The following DLGAP4 variants were observed in gnomAD, a reference collection of about 807,000 sequenced individuals.
DLGAP4 encodes disks large-associated protein 4.
A neutral mutation model predicts 86.9 loss-of-function variants in DLGAP4; 18 were observed. The observed-to-expected ratio is 0.21, with a 90% CI of 0.14 to 0.31. DLGAP4 has a LOEUF of 0.31. Among genes scored for constraint, DLGAP4 ranks in the 10% least tolerant of loss-of-function variants. DLGAP4 has a pLI of 1.00. For missense variants in DLGAP4, 1,085 were observed against 1,362.6 expected (o/e 0.80, Z 3.21); for synonymous variants, 548 against 574.3 (o/e 0.95, Z 0.65).
chr20:36,428,865 G>T (rs118128724), intron 2 of DLGAP4, among the ~76,000 whole-genome samples: 2,269 of 152,272 alleles, frequency 0.015, 105 homozygotes, highest in Admixed American at 0.1. Context: ...CCACTTTGTT[G>T]CCCAGGCTGG....
At chr20:36,452,713 T>C (rs1450448112) in intron 7 of DLGAP4, among the ~76,000 whole-genome samples, 1 of 151,996 alleles carries the variant, frequency 6.6e-6, no homozygotes, top group Non-Finnish European at 1.5e-5. Context: ...TTTCATCATG[T>C]TCGCTACGCT....
intron 2 of DLGAP4, among the ~76,000 whole-genome samples, chr20:36,408,974 C>A (rs1009457587): frequency 2.6e-4 from 38 of 148,908 alleles, no homozygotes; most frequent in Non-Finnish European, 4.3e-4. Flanking sequence ...GAGGGTTATA[C>A]AAGAAGTCTC....
chr20:36,389,674 GAGAAA>G (rs2031722303), intron 2 of DLGAP4, among the ~76,000 whole-genome samples: 2 of 152,048 alleles, frequency 1.3e-5, no homozygotes, highest in Admixed American at 1.3e-4. Flanking sequence ...AAGAGAAAAG[GAGAAA>G]AGAAAAGACA....
At chr20:36,415,734 G>A (rs2032634581) in intron 2 of DLGAP4, among the ~76,000 whole-genome samples, 1 of 152,088 alleles carries the variant, frequency 6.6e-6, no homozygotes, top group South Asian at 2.1e-4. Flanking sequence ...CAGCCTCCAC[G>A]CCATACACAC....
chr20:36,353,304 C>T (rs1356360358), intron 1 of DLGAP4, among the ~76,000 whole-genome samples: 1 of 152,198 alleles, frequency 6.6e-6, no homozygotes, highest in African/African-American at 2.4e-5. Context: ...GCAGGTCCTG[C>T]TGGGATGACT....
At chr20:36,505,207 T>C (rs1260676936) in intron 10 of DLGAP4, among the ~76,000 whole-genome samples, 2 of 152,026 alleles carry the variant, frequency 1.3e-5, no homozygotes, top group African/African-American at 4.8e-5. Flanking sequence ...CAGGGTAGTC[T>C]CGAACTCCTG....
At chr20:36,389,711 T>C (rs2031723582) in intron 2 of DLGAP4, among the ~76,000 whole-genome samples, 1 of 152,220 alleles carries the variant, frequency 6.6e-6, no homozygotes, top group Non-Finnish European at 1.5e-5. Context: ...TTCTAGGTTA[T>C]ACTTTATTAA....
At chr20:36,520,900 T>C (rs2037341189) in intron 10 of DLGAP4, among the ~76,000 whole-genome samples, 1 of 152,144 alleles carries the variant, frequency 6.6e-6, no homozygotes, top group South Asian at 2.1e-4. Flanking sequence ...TAGCGTGATC[T>C]TGGCTCACTG....
At chr20:36,331,305 TG>T (rs781952736) in intron 1 of DLGAP4, among the ~76,000 whole-genome samples, 2 of 151,962 alleles carry the variant, frequency 1.3e-5, no homozygotes, top group Non-Finnish European at 2.9e-5. Flanking sequence ...AGGGCCAACT[TG>T]GGGTCAGGTG....
chr20:36,352,008 C>G (rs2030171667), intron 1 of DLGAP4, among the ~76,000 whole-genome samples: 4 of 152,162 alleles, frequency 2.6e-5, no homozygotes, highest in Admixed American at 2.6e-4. Context: ...GACAGGGTGT[C>G]TGGTCTGGGT....
At chr20:36,428,475 G>A (rs2033040087) in intron 2 of DLGAP4, among the ~76,000 whole-genome samples, 1 of 152,210 alleles carries the variant, frequency 6.6e-6, no homozygotes, top group Non-Finnish European at 1.5e-5. Context: ...AGTAAGAGAT[G>A]GGAACAAGGT....
Position 36,454,640 on chromosome 20 carries a change from C to T in DLGAP4, c.1648+7703C>T, listed in dbSNP as rs573782084. Among the ~76,000 whole-genome samples the T allele has an allele frequency of 3.9e-5, 6 of 152,314 alleles. No homozygotes were observed. The East Asian group carries it at 5.8e-4, about 15-fold the overall frequency. On this transcript the variant is annotated intron_variant, in intron 7 of 12. Coordinates refer to ENST00000339266, the MANE Select transcript of DLGAP4 (RefSeq NM_001365621.2). ...CATCTGTCTCCAAGGAGTGAGCAAT[C>T]GGGTCCTTTCTCCACCCCCAGGGCT...
intron 1 of DLGAP4, among the ~76,000 whole-genome samples, chr20:36,313,409 A>T (rs1456235265): frequency 6.6e-6 from 1 of 152,090 alleles, no homozygotes; most frequent in African/African-American, 2.4e-5. Context: ...ACAGGGCCCA[A>T]GTTGGAGTCT....
At chr20:36,455,947 C>T (rs1002243871) in intron 7 of DLGAP4, among the ~76,000 whole-genome samples, 1 of 152,122 alleles carries the variant, frequency 6.6e-6, no homozygotes, top group African/African-American at 2.4e-5. Flanking sequence ...AGTGTCAGGG[C>T]TAAGAGGAAA....
chr20:36,364,239 C>T lies in DLGAP4; in HGVS notation c.-303-2806C>T, dbSNP rs374589907. On this transcript the variant is annotated intron_variant, in intron 1 of 12. Transcript: ENST00000339266. The stretch of plus-strand genomic sequence containing the variant: ...CAGCCTGGGCAACATAATGAGATCC[C>T]CATCTCTACAAAAGTTAAAAAACTA... Among the ~76,000 whole-genome samples, 7 of 152,018 alleles carry T rather than the reference C, an allele frequency of 4.6e-5. No individual in the cohort carries two copies. In the East Asian group the frequency reaches 9.6e-4, roughly 21 times the overall value.
At chr20:36,313,209 C>T (rs922686262) in intron 1 of DLGAP4, among the ~76,000 whole-genome samples, 5 of 152,144 alleles carry the variant, frequency 3.3e-5, no homozygotes, top group African/African-American at 7.2e-5. Flanking sequence ...ACGCAGCACC[C>T]GAGGACTCTG....
rs750751213 is a variant in DLGAP4, at chr20:36,451,148, C to T, written c.1648+4211C>T. Among the ~76,000 whole-genome samples, 204 of 152,288 alleles carry T rather than the reference C, an allele frequency of 1.3e-3. 4 individuals are homozygous for T. Among genetic ancestry groups the T allele is most frequent in the Middle Eastern group, 0.01 (3 of 294 alleles). ...TTAGCCTAAGCTGGTCAATTTTACC[C>T]ATGCACCTACCTCAAACATTTGATG... On this transcript the variant is annotated intron_variant, in intron 7 of 12. Coordinates refer to ENST00000339266, the MANE Select transcript of DLGAP4 (RefSeq NM_001365621.2).
In DLGAP4 at chr20:36,525,937, G is replaced by C. The variant is rs760637642; in HGVS notation, c.2691G>C (p.Met897Ile). Residue 897 changes from methionine to isoleucine, a missense_variant, in exon 12 of 13, where the codon ATG (methionine) becomes ATC (isoleucine). Physicochemically the swap from Met to Ile is conservative, Grantham distance 10. Around this residue, in one of 2 missense-constraint regions of DLGAP4, gnomAD observed 1,082 missense variants for 1,344.1 expected, o/e 0.81. Coordinates refer to ENST00000339266, the MANE Select transcript of DLGAP4 (RefSeq NM_001365621.2). Reference sequence around the variant, plus strand: ...AGCTGTCCATCGAGGATATCAGCATGAAGTTCGATGAACTCTACCACCTCA... The same window carrying C: ...AGCTGTCCATCGAGGATATCAGCATCAAGTTCGATGAACTCTACCACCTCA... ...LLQLSIEDIS[M>I]KFDELYHLKA... 2.5e-6 allele frequency: 4 copies of C among 1,613,980 alleles called. 1 individual carries two copies. The South Asian group carries it at 4.4e-5, about 18-fold the overall frequency.
intron 7 of DLGAP4, among the ~76,000 whole-genome samples, chr20:36,452,568 T>C (rs2147592951): frequency 6.6e-6 from 1 of 151,310 alleles, no homozygotes; most frequent in East Asian, 1.9e-4. Flanking sequence ...CAGGCTGAAG[T>C]GCAGGATCTC....
Sources: allele counts gnomAD v4.1 joint callset (sites outside exome capture counted in the v4.1 genomes callset), GRCh38; gene constraint gnomAD v4.1.1; regional missense constraint gnomAD v4.1.1; transcripts MANE v1.5; gene names NCBI Gene and HGNC (gene_info 2026-07-23, HGNC 2026-07-21).